Variants in ROR2 observed in about 807,000 individuals in gnomAD.
ROR2 encodes the protein ROR family WNT receptor 2.
In ROR2, 33 loss-of-function variants were observed where a neutral mutation model predicts 74.9. The ratio of observed to expected loss-of-function variants is 0.44; its 90% CI spans 0.33 to 0.59. The LOEUF is 0.59. ROR2 is among the 20% of genes least tolerant of loss of function. ROR2 has a pLI of 0.02. For synonymous variants in ROR2, 586 were observed against 558.7 expected, an observed-to-expected ratio of 1.05 and a Z score of -0.69; for missense variants, 1,216 against 1,313.8, an observed-to-expected ratio of 0.93 and a Z score of 1.15.
Position 91,924,870 on chromosome 9 carries a change from G to A in ROR2, c.97+24997C>T, listed in dbSNP as rs891564594. ...TTGTTTGTGTGTTTGTTTGAGACAG[G>A]GTCTAGCTCTGTCATACATGCTGGA... On this transcript the variant is annotated intron_variant, in intron 1 of 8. Coordinates refer to ENST00000375708, the MANE Select transcript of ROR2 (RefSeq NM_004560.4). 9.2e-5 allele frequency among the ~76,000 whole-genome samples: 14 copies of A among 152,172 alleles called. 1 individual carries two copies. The East Asian group carries it at 2.7e-3, about 29-fold the overall frequency.
chr9:91,942,234 T>C (rs529314019), intron 1 of ROR2, among the ~76,000 whole-genome samples: 4 of 152,262 alleles, frequency 2.6e-5, no homozygotes, highest in Admixed American at 6.5e-5. Flanking sequence ...CTTCCCCAGA[T>C]AGAAAGCAAC....
chr9:91,759,831 C>T (rs188187604), intron 2 of ROR2, among the ~76,000 whole-genome samples: 1 of 152,292 alleles, frequency 6.6e-6, no homozygotes, highest in East Asian at 1.9e-4. Flanking sequence ...CACGTTCCAG[C>T]CAGGCCTTGA....
At chr9:91,884,475 T>TA (rs34401137) in intron 1 of ROR2, among the ~76,000 whole-genome samples, 37,276 of 137,648 alleles carry the variant, frequency 0.27, 5,018 homozygotes, top group East Asian at 0.43. Context: ...TGATTACCTT[T>TA]AAAAAAAAAA....
chr9:91,799,742 C>T (rs961675483), intron 1 of ROR2, among the ~76,000 whole-genome samples: 19 of 152,216 alleles, frequency 1.2e-4, no homozygotes, highest in African/African-American at 4.3e-4. Context: ...AGTTGTTTTT[C>T]TCCATCTCTC....
chr9:91,924,515 C>T (rs149127791), intron 1 of ROR2, among the ~76,000 whole-genome samples: 300 of 152,328 alleles, frequency 2.0e-3, no homozygotes, highest in Non-Finnish European at 3.5e-3. Flanking sequence ...TGATTCAGGC[C>T]GGGCACGATG....
chr9:91,909,255 C>A (rs572567155), intron 1 of ROR2, among the ~76,000 whole-genome samples: 182 of 152,104 alleles, frequency 1.2e-3, no homozygotes, highest in African/African-American at 4.1e-3. Context: ...TGATGCACAC[C>A]CCCTCTGCAT....
intron 1 of ROR2, among the ~76,000 whole-genome samples, chr9:91,799,264 C>G (rs1320057932): frequency 2.0e-5 from 3 of 152,150 alleles, no homozygotes. Flanking sequence ...TTTTGATGAT[C>G]AGACTTGGGA....
chr9:91,874,249 C>T (rs1324138158), intron 1 of ROR2, among the ~76,000 whole-genome samples: 2 of 152,180 alleles, frequency 1.3e-5, no homozygotes, highest in Admixed American at 6.5e-5. Flanking sequence ...TGCTCTGTGG[C>T]GGCCACTTGG....
At chr9:91,817,992 C>G (rs566625771) in intron 1 of ROR2, among the ~76,000 whole-genome samples, 12 of 152,150 alleles carry the variant, frequency 7.9e-5, no homozygotes, top group African/African-American at 1.2e-4. Flanking sequence ...ATGCAACTTA[C>G]GAAGCATTTC....
At chr9:91,915,742 C>A (rs1831115352) in intron 1 of ROR2, among the ~76,000 whole-genome samples, 1 of 152,196 alleles carries the variant, frequency 6.6e-6, no homozygotes, top group East Asian at 1.9e-4. Flanking sequence ...TAGCTAACCA[C>A]AGAGTGCTGA....
intron 1 of ROR2, among the ~76,000 whole-genome samples, chr9:91,930,850 G>A (rs533125674): frequency 1.3e-3 from 201 of 152,358 alleles, no homozygotes; most frequent in African/African-American, 4.6e-3. Flanking sequence ...TTAATTTGCA[G>A]ACTGAAGACC....
At chr9:91,839,753 G>GCATA (rs1193222004) in intron 1 of ROR2, among the ~76,000 whole-genome samples, 19 of 151,654 alleles carry the variant, frequency 1.3e-4, no homozygotes, top group Admixed American at 3.3e-4. Context: ...AGTGTGGCGT[G>GCATA]CATACATGTG....
At chr9:91,826,863 T>C (rs1407903350) in intron 1 of ROR2, among the ~76,000 whole-genome samples, 1 of 152,184 alleles carries the variant, frequency 6.6e-6, no homozygotes, top group Non-Finnish European at 1.5e-5. Flanking sequence ...AGTAACATTT[T>C]GAGAAGGGGA....
intron 1 of ROR2, among the ~76,000 whole-genome samples, chr9:91,794,525 G>A (rs1189209178): frequency 6.6e-6 from 1 of 152,116 alleles, no homozygotes; most frequent in Non-Finnish European, 1.5e-5. Flanking sequence ...GAGGCTTTAG[G>A]GAGGGAAACC....
rs552714728 is a variant in ROR2, at chr9:91,724,290, C to A, written c.2204G>T (p.Arg735Leu). ...GTGGATGTCCTTGAAGCGGGGCCGC[C>A]GGCTGGGGAACTCGTTCCAGCACTC... ...MIECWNEFPSRRPRFKDIHSR... is the reference protein window; with the variant it reads ...MIECWNEFPSLRPRFKDIHSR... The change falls in exon 9 of 9, where the codon CGG becomes CTG. Residue 735 changes from arginine to leucine, a missense_variant. Transcript: ENST00000375708. 14 of 1,613,152 alleles carry A rather than the reference C, an allele frequency of 8.7e-6. No individual in the cohort carries two copies. Among genetic ancestry groups the A allele is most frequent in the African/African-American group, 1.3e-5 (1 of 75,048 alleles).
chr9:91,865,577 C>G (rs982820164), intron 1 of ROR2, among the ~76,000 whole-genome samples: 1 of 152,194 alleles, frequency 6.6e-6, no homozygotes, highest in Admixed American at 6.5e-5. Context: ...GGAAGAGATA[C>G]AAATTTGCAG....
intron 1 of ROR2, among the ~76,000 whole-genome samples, chr9:91,881,915 G>A (rs1179144390): frequency 3.3e-5 from 5 of 152,184 alleles, no homozygotes; most frequent in Non-Finnish European, 7.3e-5. Context: ...GGAGTAGGAG[G>A]GCAGGCGAGG....
intron 7 of ROR2, among the ~76,000 whole-genome samples, chr9:91,727,805 A>G (rs1837095912): frequency 6.6e-6 from 1 of 152,232 alleles, no homozygotes; most frequent in Admixed American, 6.5e-5. Context: ...TGTGAGGCCT[A>G]AAAGAGCTAA....
In ROR2 at chr9:91,796,199, T is replaced by C. The variant is rs185623679; in HGVS notation, c.98-20381A>G. Among the ~76,000 whole-genome samples, 149 of 152,232 alleles carry C rather than the reference T, an allele frequency of 9.8e-4. 1 individual carries two copies. Among genetic ancestry groups the C allele is most frequent in the Non-Finnish European group, 1.6e-3 (109 of 68,008 alleles). ...AATCATGCCTGTAATCCCAGCACTT[T>C]GAGAGGCTGAGGCAGGTGGAATGCT... On this transcript the variant is annotated intron_variant, in intron 1 of 8. Coordinates refer to ENST00000375708, the MANE Select transcript of ROR2 (RefSeq NM_004560.4).
Sources: gnomAD v4.1 joint callset for allele counts (sites outside exome capture counted in the v4.1 genomes callset) on GRCh38, gnomAD v4.1.1 for gene constraint, MANE v1.5 for transcripts, NCBI Gene and HGNC (gene_info 2026-07-23, HGNC 2026-07-21) for gene names.